The following SMPD3 variants were observed in gnomAD, a reference collection of about 807,000 sequenced individuals.
SMPD3 encodes the protein nSMase-2.
Under a neutral mutation model 55.7 loss-of-function variants are expected in SMPD3, and 21 were observed. The ratio of observed to expected loss-of-function variants is 0.38; its 90% CI spans 0.27 to 0.54. The LOEUF is 0.54. Among genes scored for constraint, SMPD3 ranks in the 20% least tolerant of loss-of-function variants. SMPD3 has a pLI of 0.80. For synonymous variants in SMPD3, 457 were observed against 404.3 expected, an observed-to-expected ratio of 1.13 and a Z score of -1.56; for missense variants, 842 against 899.6, an observed-to-expected ratio of 0.94 and a Z score of 0.82.
intron 1 of SMPD3, among the ~76,000 whole-genome samples, chr16:68,395,551 C>T (rs1437390031): frequency 6.6e-6 from 1 of 152,214 alleles, no homozygotes; most frequent in African/African-American, 2.4e-5. Flanking sequence ...CCCAGTTCAC[C>T]TCAAGCCATT....
chr16:68,418,273 T>C (rs2090355278), intron 1 of SMPD3, among the ~76,000 whole-genome samples: 1 of 145,124 alleles, frequency 6.9e-6, no homozygotes, highest in African/African-American at 2.6e-5. Context: ...TCCAGGCAGG[T>C]AGATACATGA....
chr16:68,361,250 C>G lies in SMPD3; in HGVS notation c.1924G>C (p.Val642Leu). 2 of 1,613,812 alleles carry G rather than the reference C, an allele frequency of 1.2e-6. No individual in the cohort carries two copies. Among genetic ancestry groups the G allele is most frequent in the Non-Finnish European group, 1.7e-6 (2 of 1,179,932 alleles). ...GAAGACACCATCAGTCGCATGGCTA[C>G]TGGCAGGTGGTCCGTCAGGCCGGAC... is the stretch of plus-strand genomic sequence containing the variant. Reference protein sequence around the residue: ...QLSGLTDHLPVAMRLMVSSGE... With the variant: ...QLSGLTDHLPLAMRLMVSSGE... Residue 642 changes from valine (V) to leucine (L), a missense_variant, in exon 9 of 9, where the codon GTA (valine) becomes CTA (leucine). By Grantham distance (32) the Val-to-Leu change is conservative. This residue lies in a region of SMPD3 where 649 missense variants were observed against 643.6 expected (regional missense o/e 1.01). Coordinates refer to ENST00000219334, the MANE Select transcript of SMPD3 (RefSeq NM_018667.4).
chr16:68,418,737 G>A (rs1477347375), intron 1 of SMPD3, among the ~76,000 whole-genome samples: 1 of 152,204 alleles, frequency 6.6e-6, no homozygotes, highest in Non-Finnish European at 1.5e-5. Context: ...GAGGTAGCTT[G>A]GGAAACTCTT....
chr16:68,376,818 C>T (rs1051276211), intron 2 of SMPD3, among the ~76,000 whole-genome samples: 2 of 152,218 alleles, frequency 1.3e-5, no homozygotes, highest in African/African-American at 4.8e-5. Flanking sequence ...CCCTGGCCCT[C>T]GGCTTCACCG....
At chr16:68,390,463 C>A (rs535183992) in intron 1 of SMPD3, among the ~76,000 whole-genome samples, 4 of 152,136 alleles carry the variant, frequency 2.6e-5, no homozygotes, top group Admixed American at 6.5e-5. Context: ...GAATTTGAAA[C>A]CAGCCTGGGT....
rs571587775 is a variant in SMPD3, at chr16:68,359,127, T to C, written c.*2079A>G. 5.2e-5 allele frequency: 8 copies of C among 152,650 alleles called. No individual in the cohort carries two copies. The highest frequency in any genetic ancestry group is 8.8e-5 in the Non-Finnish European group (6 of 68,118). The allele number at this position is 152,650 out of a possible 1,614,324, so 9.5% of individuals were successfully genotyped here. A position where few individuals can be genotyped will look rare whatever the true frequency, so the allele number is the denominator to read the frequency against. On this transcript the variant is annotated 3_prime_UTR_variant, in exon 9 of 9. Transcript: ENST00000219334. ...GGGGTGCCTGGGTGGGGAAGCTATG[T>C]TGGGGTCTGGTGTGGGGGCCCTGCC...
At chr16:68,393,492 C>T (rs1386671335) in intron 1 of SMPD3, among the ~76,000 whole-genome samples, 3 of 152,162 alleles carry the variant, frequency 2.0e-5, no homozygotes, top group Admixed American at 6.5e-5. Context: ...AGTGAAGTTG[C>T]TCACTGGCAG....
intron 1 of SMPD3, among the ~76,000 whole-genome samples, chr16:68,425,969 C>T (rs1353768639): frequency 6.6e-6 from 1 of 152,150 alleles, no homozygotes. Flanking sequence ...GCTAAGGGAG[C>T]ACTGAGAGTG....
chr16:68,387,730 C>T (rs2090072059), intron 1 of SMPD3, among the ~76,000 whole-genome samples: 1 of 152,240 alleles, frequency 6.6e-6, no homozygotes, highest in Non-Finnish European at 1.5e-5. Context: ...GCCCAAAGCC[C>T]TCTTACCACC....
At chr16:68,392,541 G>A (rs1418475304) in intron 1 of SMPD3, among the ~76,000 whole-genome samples, 7 of 152,130 alleles carry the variant, frequency 4.6e-5, no homozygotes, top group African/African-American at 1.7e-4. Flanking sequence ...ATGGGCCCCT[G>A]ATCTGATAAC....
intron 1 of SMPD3, among the ~76,000 whole-genome samples, chr16:68,398,373 C>T (rs901326343): frequency 5.3e-5 from 8 of 152,146 alleles, no homozygotes; most frequent in African/African-American, 1.2e-4. Context: ...TGGCAGTCCC[C>T]GGGATGAGAA....
In SMPD3 at chr16:68,363,478, T is replaced by C. The variant is rs2089376906; in HGVS notation, c.1709+18A>G. 8 of 1,613,944 alleles carry C rather than the reference T, an allele frequency of 5.0e-6. No homozygotes were observed. Among genetic ancestry groups the C allele is most frequent in the African/African-American group, 4.0e-5 (3 of 75,034 alleles). On this transcript the variant is annotated intron_variant, in intron 7 of 8. Transcript: ENST00000219334. ...GTCAGGGTGTGCCTCGTCCCTGGCC[T>C]GGGAGCGCAGTGCTTACTTCTGCAG...
intron 1 of SMPD3, among the ~76,000 whole-genome samples, chr16:68,435,862 G>A (rs1185999134): frequency 6.6e-6 from 1 of 152,218 alleles, no homozygotes; most frequent in Non-Finnish European, 1.5e-5. Context: ...CTACTGGGGA[G>A]GGTGGTGAAG....
At chr16:68,405,474 G>A (rs894472661) in intron 1 of SMPD3, among the ~76,000 whole-genome samples, 1 of 149,660 alleles carries the variant, frequency 6.7e-6, no homozygotes, top group Non-Finnish European at 1.5e-5. Flanking sequence ...AGCCCTAGGG[G>A]TTGAGGCTGC....
At chr16:68,366,237 C>T (rs527574174) in intron 3 of SMPD3, among the ~76,000 whole-genome samples, 1 of 152,360 alleles carries the variant, frequency 6.6e-6, no homozygotes, top group East Asian at 1.9e-4. Context: ...CCATCTGCTC[C>T]AACAGCCTCG....
chr16:68,374,284 C>G (rs1047806704), intron 2 of SMPD3, among the ~76,000 whole-genome samples: 1 of 152,264 alleles, frequency 6.6e-6, no homozygotes, highest in African/African-American at 2.4e-5. Flanking sequence ...CAGGGCAAGT[C>G]TGCAGTCACC....
At position 68,359,829 on chromosome 16, in the gene SMPD3, T is replaced by C. The variant is rs1050093582; in HGVS notation, c.*1377A>G. 1 of 152,474 alleles carries C rather than the reference T, an allele frequency of 6.6e-6. No homozygotes were observed. Among genetic ancestry groups the C allele is most frequent in the Admixed American group, 6.5e-5 (1 of 15,292 alleles). The allele number at this position is 152,474 out of a possible 1,614,324, so 9.4% of individuals were successfully genotyped here. On this transcript the variant is annotated 3_prime_UTR_variant, in exon 9 of 9. Transcript: ENST00000219334. ...AGCCCTGGAGTCTCTTAAAGGCAGGTGGGCAGAGGCAGTGCTGCCGAAGGG... is the reference window on the plus strand; with the variant it reads ...AGCCCTGGAGTCTCTTAAAGGCAGGCGGGCAGAGGCAGTGCTGCCGAAGGG...
intron 7 of SMPD3, 82 bp from the exon 8 acceptor site, chr16:68,361,841 T>C: frequency 2.5e-5 from 23 of 914,258 alleles, no homozygotes; most frequent in East Asian, 1.6e-4. Context: ...AGCCATGGTC[T>C]CCTCCCAGTG....
intron 1 of SMPD3, among the ~76,000 whole-genome samples, chr16:68,424,445 T>C (rs1452466788): frequency 6.6e-6 from 1 of 152,010 alleles, no homozygotes; most frequent in Non-Finnish European, 1.5e-5. Flanking sequence ...CTGTGGATCA[T>C]GGTCGAACAG....
Sources: gnomAD v4.1 joint callset for allele counts (sites outside exome capture counted in the v4.1 genomes callset) on GRCh38, gnomAD v4.1.1 for gene constraint, gnomAD v4.1.1 regional missense constraint, MANE v1.5 for transcripts, NCBI Gene and HGNC (gene_info 2026-07-23, HGNC 2026-07-21) for gene names.